ADGRB1: variants seen among roughly 807,000 people sequenced by gnomAD.
ADGRB1 encodes the protein brain-specific angiogenesis inhibitor 1.
A neutral mutation model predicts 175.7 loss-of-function variants in ADGRB1; 36 were observed. The ratio of observed to expected loss-of-function variants is 0.20; its 90% CI spans 0.16 to 0.27. ADGRB1 has a LOEUF of 0.27. ADGRB1 is among the 10% of genes least tolerant of loss of function. The probability of loss-of-function intolerance (pLI) is 1.00; values close to 1 mark genes in which losing one functional copy is unlikely to be tolerated. For missense variants in ADGRB1, 1,731 were observed against 2,255.3 expected (o/e 0.77, Z 4.71); for synonymous variants, 1,054 against 979.4 (o/e 1.08, Z -1.42).
At position 142,489,452 on chromosome 8, in the gene ADGRB1, A is replaced by C. The variant is rs1039687556; in HGVS notation, c.2631+14A>C. On this transcript the variant is annotated intron_variant, in intron 16 of 30. Transcript: ENST00000517894. ...CACATGTATAATGTGAGTGCCGTCC[A>C]CGTGCACACTCTGATGCCAGCAGAA... is the stretch of plus-strand genomic sequence containing the variant. The C allele has an allele frequency of 1.9e-6, 3 of 1,609,518 alleles. No homozygotes were observed. Among genetic ancestry groups the C allele is most frequent in the Admixed American group, 1.7e-5 (1 of 59,998 alleles).
At chr8:142,469,515 A>G (rs866546921) in intron 2 of ADGRB1, among the ~76,000 whole-genome samples, 5 of 106,240 alleles carry the variant, frequency 4.7e-5, no homozygotes, top group South Asian at 6.7e-4. Context: ...ATGTGTGTGT[A>G]TGCACGTGCA....
In ADGRB1 at chr8:142,476,626, A is replaced by G; in HGVS notation, c.988A>G (p.Thr330Ala). 6.5e-7 allele frequency: 1 copy of G among 1,548,784 alleles called. No individual in the cohort carries two copies. The highest frequency in any genetic ancestry group is 8.7e-7 in the Non-Finnish European group (1 of 1,146,346). ...CTCCCGGAGCCAGTCCCTGCGGTCCACAGATGCCCGGCGGCGCGAGGAGCT... is the reference window on the plus strand; with the variant it reads ...CTCCCGGAGCCAGTCCCTGCGGTCCGCAGATGCCCGGCGGCGCGAGGAGCT... ...TSSRSQSLRSTDARRREELGD... is the reference protein window; with the variant it reads ...TSSRSQSLRSADARRREELGD... Residue 330 changes from threonine to alanine, a missense_variant, in exon 4 of 31, where the codon ACA becomes GCA. Around this residue, in one of 8 missense-constraint regions of ADGRB1, gnomAD observed 178 missense variants for 227.8 expected, o/e 0.78. Transcript: ENST00000517894.
chr8:142,482,225 G>A (rs1046678652), intron 11 of ADGRB1, among the ~76,000 whole-genome samples: 2 of 139,404 alleles, frequency 1.4e-5, no homozygotes, highest in African/African-American at 2.8e-5. Flanking sequence ...CCTGATCCTG[G>A]TCACACACTG....
intron 17 of ADGRB1, among the ~76,000 whole-genome samples, chr8:142,491,735 C>A (rs969677680): frequency 6.6e-6 from 1 of 152,208 alleles, no homozygotes; most frequent in African/African-American, 2.4e-5. Flanking sequence ...AGCCTCAGGC[C>A]TCCCTGCACC....
intron 17 of ADGRB1, among the ~76,000 whole-genome samples, chr8:142,497,512 G>T (rs1278445805): frequency 1.3e-5 from 2 of 152,106 alleles, no homozygotes; most frequent in Non-Finnish European, 2.9e-5. Flanking sequence ...GGTGCAGGGG[G>T]AGGGGACGCA....
At chr8:142,495,501 C>G (rs1842172143) in intron 17 of ADGRB1, among the ~76,000 whole-genome samples, 2 of 152,174 alleles carry the variant, frequency 1.3e-5, no homozygotes, top group South Asian at 4.1e-4. Context: ...TCTCCCAGTT[C>G]TGGAGGCCAG....
intron 12 of ADGRB1, 34 bp from the exon 13 acceptor site, chr8:142,484,622 T>C (rs760149320): frequency 1.3e-5 from 20 of 1,577,568 alleles, no homozygotes; most frequent in Non-Finnish European, 1.7e-5. Context: ...CAGTGGGGCC[T>C]CCTCCCTCGG....
chr8:142,478,476 G>T, intron 7 of ADGRB1, 116 bp downstream of exon 7: 1 of 1,248,934 alleles, frequency 8.0e-7, no homozygotes, highest in Non-Finnish European at 1.1e-6. Flanking sequence ...TGACTGAGGA[G>T]GGAGTGGGGT....
chr8:142,541,888 C>T (rs867343773), intron 27 of ADGRB1, 53 bp from the exon 28 acceptor site: 18 of 1,485,298 alleles, frequency 1.2e-5, no homozygotes, highest in Middle Eastern at 4.3e-4. Context: ...GACTGTCCTA[C>T]GCCATCCTCA....
intron 26 of ADGRB1, among the ~76,000 whole-genome samples, chr8:142,538,879 C>T (rs1008847518): frequency 7.9e-5 from 12 of 152,288 alleles, no homozygotes; most frequent in African/African-American, 2.9e-4. Flanking sequence ...AGGCCCAGAG[C>T]CATTCCTGAG....
intron 22 of ADGRB1, among the ~76,000 whole-genome samples, chr8:142,523,866 C>T (rs997888816): frequency 2.6e-5 from 4 of 151,980 alleles, no homozygotes; most frequent in African/African-American, 9.7e-5. Flanking sequence ...TCAAGCATCG[C>T]GTCAGGAAGG....
At chr8:142,499,525 C>G (rs11167147) in intron 17 of ADGRB1, among the ~76,000 whole-genome samples, 1 of 152,152 alleles carries the variant, frequency 6.6e-6, no homozygotes, top group African/African-American at 2.4e-5. Flanking sequence ...GAGCATGCAC[C>G]GGCTATGAAG....
chr8:142,522,879 A>C (rs1257820278), intron 22 of ADGRB1, among the ~76,000 whole-genome samples, 169 bp downstream of exon 22: 3 of 152,198 alleles, frequency 2.0e-5, no homozygotes, highest in Non-Finnish European at 2.9e-5. Context: ...CCCCTTGGGC[A>C]TCCCCTCCCT....
intron 18 of ADGRB1, among the ~76,000 whole-genome samples, chr8:142,516,711 G>A (rs1341846158): frequency 6.6e-6 from 1 of 151,476 alleles, no homozygotes; most frequent in Non-Finnish European, 1.5e-5. Flanking sequence ...GTGCATGTGT[G>A]CGGGCCCCAG....
In ADGRB1 at chr8:142,511,569, C is replaced by T. The variant is rs1227888300; in HGVS notation, c.2817+496C>T. Reference sequence around the variant, plus strand: ...AGGAGGAGGTGGCGGTGGCCCCAGGCAGGGGCCCTGGCCCAGATCCACCGC... The same window carrying T: ...AGGAGGAGGTGGCGGTGGCCCCAGGTAGGGGCCCTGGCCCAGATCCACCGC... On this transcript the variant is annotated intron_variant, in intron 18 of 30. Transcript: ENST00000517894. This position sits in a 1 kb window ranked among gnomAD's most constrained non-coding sequence, Gnocchi z 4.5. Among the ~76,000 whole-genome samples the T allele has an allele frequency of 2.0e-5, 3 of 152,176 alleles. No individual in the cohort carries two copies. Among genetic ancestry groups the T allele is most frequent in the Admixed American group, 1.3e-4 (2 of 15,294 alleles).
rs373956487 is a variant in ADGRB1 at position 142,481,307 on chromosome 8, C to A, written c.1882C>A (p.Pro628Thr). 2 of 1,613,816 alleles carry A rather than the reference C, an allele frequency of 1.2e-6. No homozygotes were observed. Among genetic ancestry groups the A allele is most frequent in the Non-Finnish European group, 8.5e-7 (1 of 1,179,858 alleles). The change falls in exon 10 of 31, where the codon CCC becomes ACC. Residue 628 changes from proline to threonine, a missense_variant. Transcript: ENST00000517894. ...CGAGGAAGGCATCGCCTACTGGGAG[C>A]CCCCCACCTACATCCGCTGTGTTTC... Reference protein sequence around the residue: ...LDEEGIAYWEPPTYIRCVSID... With the variant: ...LDEEGIAYWETPTYIRCVSID...
rs750392289 is a variant in ADGRB1 at position 142,524,337 on chromosome 8, C to G, written c.3312+33C>G. On this transcript the variant is annotated intron_variant, in intron 23 of 30. Transcript: ENST00000517894. ...CCCGCCCAGGCCCCACTCCCCACGA[C>G]CCCACCTGGGCCCCCCACCTGCCTC... 7 of 1,557,284 alleles carry G rather than the reference C, an allele frequency of 4.5e-6. No individual in the cohort carries two copies. In the South Asian group the frequency reaches 7.0e-5, roughly 16 times the overall value.
chr8:142,453,977 A>T (rs1380032315), intron 1 of ADGRB1, among the ~76,000 whole-genome samples: 3 of 152,248 alleles, frequency 2.0e-5, no homozygotes, highest in Middle Eastern at 3.4e-3. Context: ...GGAAGGTGGG[A>T]GGCAGGACAG....
chr8:142,469,456 T>TGTGTGTATGCACGTGCATGTGTGA (rs1563684790), intron 2 of ADGRB1, among the ~76,000 whole-genome samples: 1 of 144,982 alleles, frequency 6.9e-6, no homozygotes, highest in African/African-American at 2.6e-5. Context: ...CGTGCGTGAA[T>TGTGTGTATGCACGTGCATGTGTGA]GTGTGTATGC....
Sources: gnomAD v4.1 joint callset for allele counts (sites outside exome capture counted in the v4.1 genomes callset) on GRCh38, gnomAD v4.1.1 for gene constraint, gnomAD v4.1.1 regional missense constraint, Gnocchi (gnomAD v3.1) non-coding constraint, MANE v1.5 for transcripts, NCBI Gene and HGNC (gene_info 2026-07-23, HGNC 2026-07-21) for gene names.